PARD3B: variants seen among roughly 807,000 people sequenced by gnomAD.
PARD3B encodes partitioning defective 3 homolog B.
Under a neutral mutation model 130.2 loss-of-function variants are expected in PARD3B, and 103 were observed. The observed-to-expected ratio is 0.79, with a 90% CI of 0.67 to 0.93. The LOEUF (loss-of-function observed/expected upper bound fraction) is 0.93. Among genes scored for constraint, PARD3B ranks in the 40% least tolerant of loss-of-function variants. The probability of loss-of-function intolerance (pLI) is 0.00; values close to 1 mark genes in which losing one functional copy is unlikely to be tolerated. For synonymous variants in PARD3B, 583 were observed against 553.2 expected (o/e 1.05, Z -0.76); for missense variants, 1,609 against 1,499.2 (o/e 1.07, Z -1.21).
chr2:204,899,059 T>C (rs867907891), intron 2 of PARD3B, among the ~76,000 whole-genome samples: 44 of 152,298 alleles, frequency 2.9e-4, no homozygotes, highest in Middle Eastern at 3.4e-3. Context: ...TTAGGTTTTT[T>C]TTTTTTAATC....
chr2:205,332,127 G>T (rs77552677), intron 18 of PARD3B, among the ~76,000 whole-genome samples: 1 of 151,970 alleles, frequency 6.6e-6, no homozygotes, highest in Non-Finnish European at 1.5e-5. Context: ...AACAAGAAAA[G>T]CCTGTGTTGA....
Position 205,584,005 on chromosome 2 carries a change from A to G in PARD3B, c.3260+30602A>G, listed in dbSNP as rs1305334894. ...GAGCCATGTTACCCATGATAACTCT[A>G]AGACACTACAGGGCATTTTCAAATA... On this transcript the variant is annotated intron_variant, in intron 22 of 22. Coordinates refer to ENST00000406610, the MANE Select transcript of PARD3B (RefSeq NM_001302769.2). The surrounding 1 kb of genome is among the most constrained non-coding windows in gnomAD (Gnocchi z 5.5). Among the ~76,000 whole-genome samples, 2 of 152,246 alleles carry G rather than the reference A, an allele frequency of 1.3e-5. No homozygotes were observed. The highest frequency in any genetic ancestry group is 2.9e-5 in the Non-Finnish European group (2 of 68,050).
chr2:204,990,172 G>A (rs990411854), intron 3 of PARD3B, among the ~76,000 whole-genome samples: 1 of 151,706 alleles, frequency 6.6e-6, no homozygotes, highest in African/African-American at 2.4e-5. Context: ...TGTAATTATT[G>A]ACCATTCAGA....
chr2:205,543,555 C>A (rs1272037993), intron 21 of PARD3B, among the ~76,000 whole-genome samples: 1 of 152,162 alleles, frequency 6.6e-6, no homozygotes, highest in Non-Finnish European at 1.5e-5. Context: ...GTGATCACTG[C>A]CAACATACGA....
At chr2:204,796,900 G>A (rs1401176503) in intron 2 of PARD3B, among the ~76,000 whole-genome samples, 1 of 152,096 alleles carries the variant, frequency 6.6e-6, no homozygotes, top group African/African-American at 2.4e-5. Flanking sequence ...ATTAGATTAA[G>A]AAGTTTATTC....
At chr2:204,709,817 G>A (rs1318154887) in intron 2 of PARD3B, among the ~76,000 whole-genome samples, 1 of 152,174 alleles carries the variant, frequency 6.6e-6, no homozygotes, top group Non-Finnish European at 1.5e-5. Context: ...TGCATGCTCA[G>A]AATTTTAAAT....
intron 10 of PARD3B, among the ~76,000 whole-genome samples, chr2:205,136,724 C>G (rs1017399): frequency 1 from 151,617 of 152,324 alleles, 75,461 homozygotes; most frequent in Middle Eastern, 1. Flanking sequence ...AAAACGGCCA[C>G]CCAAAACATC....
chr2:204,597,376 C>A (rs10932076), intron 1 of PARD3B, among the ~76,000 whole-genome samples: 4,419 of 152,110 alleles, frequency 0.029, 187 homozygotes, highest in East Asian at 0.13. Flanking sequence ...TTTGTGTTTA[C>A]TGCTGAGAGT....
rs962251419 is a variant in PARD3B, at chr2:204,906,128, A to C, written c.223-59024A>C. ...GTAGTTTGTGATTGATGTAGTGCCAACTCTTATTTCTCATCTGGACTGGGT... is the reference window on the plus strand; with the variant it reads ...GTAGTTTGTGATTGATGTAGTGCCACCTCTTATTTCTCATCTGGACTGGGT... On this transcript the variant is annotated intron_variant, in intron 2 of 22. Coordinates refer to ENST00000406610, the MANE Select transcript of PARD3B (RefSeq NM_001302769.2). This position sits in a 1 kb window ranked among gnomAD's most constrained non-coding sequence, Gnocchi z 4.3. Among the ~76,000 whole-genome samples the C allele has an allele frequency of 1.8e-4, 27 of 151,886 alleles. No individual in the cohort carries two copies. Among genetic ancestry groups the C allele is most frequent in the African/African-American group, 6.5e-4 (27 of 41,338 alleles).
intron 3 of PARD3B, among the ~76,000 whole-genome samples, chr2:204,977,591 C>T (rs1400403334): frequency 2.0e-5 from 3 of 151,888 alleles, no homozygotes; most frequent in African/African-American, 7.3e-5. Context: ...GGGTGGATCA[C>T]GAGGTCAGGA....
intron 2 of PARD3B, among the ~76,000 whole-genome samples, chr2:204,711,584 C>G (rs755723187): frequency 1.3e-5 from 2 of 151,612 alleles, no homozygotes; most frequent in African/African-American, 4.9e-5. Flanking sequence ...CTTGCTCTGT[C>G]ACCCAGACTG....
At chr2:205,104,352 T>C in intron 4 of PARD3B, 74 bp from the exon 5 acceptor site, 1 of 1,096,098 alleles carries the variant, frequency 9.1e-7, no homozygotes, top group South Asian at 1.3e-5. Flanking sequence ...TACTCTCCCA[T>C]ATTGGGATAT....
Position 205,516,016 on chromosome 2 carries a change from T to C in PARD3B, c.3180+15985T>C, listed in dbSNP as rs60000560. Among the ~76,000 whole-genome samples the C allele has an allele frequency of 5.7e-3, 865 of 152,288 alleles. 5 individuals are homozygous for C. The highest frequency in any genetic ancestry group is 0.02 in the African/African-American group (815 of 41,564). ...CTGGCTTCAGTCTTCTGCATATGGC[T>C]AGCTAGTTATCCCAGCACCATTTAT... On this transcript the variant is annotated intron_variant, in intron 21 of 22. Transcript: ENST00000406610.
At chr2:204,885,355 T>G (rs890515694) in intron 2 of PARD3B, among the ~76,000 whole-genome samples, 5 of 152,230 alleles carry the variant, frequency 3.3e-5, no homozygotes, top group Non-Finnish European at 5.9e-5. Context: ...TTTAAGTTCC[T>G]CGTAGACTCT....
At chr2:205,248,598 A>ATTTTT (rs2039678644) in intron 16 of PARD3B, among the ~76,000 whole-genome samples, 1 of 129,638 alleles carries the variant, frequency 7.7e-6, no homozygotes, top group African/African-American at 3.0e-5. Context: ...TTGTCTCACC[A>ATTTTT]TTCTTTTTTT....
chr2:205,126,035 G>C (rs369766812), intron 10 of PARD3B, among the ~76,000 whole-genome samples: 2 of 152,136 alleles, frequency 1.3e-5, no homozygotes, highest in Non-Finnish European at 2.9e-5. Context: ...TGCTACGTGC[G>C]AAGCCCTAGG....
intron 1 of PARD3B, among the ~76,000 whole-genome samples, chr2:204,615,195 A>G (rs765676323): frequency 3.3e-5 from 5 of 152,194 alleles, no homozygotes; most frequent in Non-Finnish European, 5.9e-5. Flanking sequence ...GAATATTTTC[A>G]TAGTCTTTTC....
rs13388123 is a variant in PARD3B at position 204,731,247 on chromosome 2, T to G, written c.222+44965T>G. On this transcript the variant is annotated intron_variant, in intron 2 of 22. Coordinates refer to ENST00000406610, the MANE Select transcript of PARD3B (RefSeq NM_001302769.2). ...TTGTTATTCTGCCTTAGGGCTCTTA[T>G]TTATTGTGGATTCCCAAACAAGTTT... is the stretch of plus-strand genomic sequence containing the variant. Among the ~76,000 whole-genome samples, 432 of 152,340 alleles carry G rather than the reference T, an allele frequency of 2.8e-3. 5 individuals carry two copies. Among genetic ancestry groups the G allele is most frequent in the African/African-American group, 9.9e-3 (411 of 41,590 alleles).
chr2:205,613,450 T>C (rs2055309815), intron 22 of PARD3B, among the ~76,000 whole-genome samples: 1 of 152,184 alleles, frequency 6.6e-6, no homozygotes, highest in Non-Finnish European at 1.5e-5. Flanking sequence ...TGATAAAAGA[T>C]ATACCGAAGG....
Sources: gnomAD v4.1 joint callset for allele counts (sites outside exome capture counted in the v4.1 genomes callset) on GRCh38, gnomAD v4.1.1 for gene constraint, Gnocchi (gnomAD v3.1) non-coding constraint, MANE v1.5 for transcripts, NCBI Gene and HGNC (gene_info 2026-07-23, HGNC 2026-07-21) for gene names.